HMGCLL1: variants seen among roughly 807,000 people sequenced by gnomAD.
The protein encoded by HMGCLL1 is 3-hydroxymethyl-3-methylglutaryl-CoA lyase, cytoplasmic.
HMGCLL1 carries 36 observed loss-of-function variants against 39.1 expected under a neutral mutation model. The ratio of observed to expected loss-of-function variants is 0.92; its 90% confidence interval spans 0.71 to 1.22. The LOEUF is 1.22. HMGCLL1 is among the 50% of genes most tolerant of loss of function. The probability of loss-of-function intolerance (pLI) is 0.00; values close to 1 mark genes in which losing one functional copy is unlikely to be tolerated. For synonymous variants in HMGCLL1, 149 were observed against 144.0 expected (o/e 1.03, Z -0.25); for missense variants, 451 against 416.5 (o/e 1.08, Z -0.72).
chr6:55,498,951 C>A (rs143986673), intron 6 of HMGCLL1, among the ~76,000 whole-genome samples: 10 of 149,110 alleles, frequency 6.7e-5, no homozygotes, highest in Non-Finnish European at 1.2e-4. Context: ...CCACTCACTA[C>A]GTTATAGCCA....
At chr6:55,496,734 T>C (rs1350503944) in intron 6 of HMGCLL1, among the ~76,000 whole-genome samples, 5 of 151,918 alleles carry the variant, frequency 3.3e-5, no homozygotes, top group Non-Finnish European at 7.4e-5. Context: ...GAAAGCTGAA[T>C]TGCTCAATAC....
the HMGCLL1 span, among the ~76,000 whole-genome samples, chr6:55,631,925 G>A: frequency 6.6e-6 from 1 of 152,096 alleles, no homozygotes; most frequent in Non-Finnish European, 1.5e-5. Flanking sequence ...GCACTTTAAG[G>A]AAGGGTATTC....
intron 3 of HMGCLL1, among the ~76,000 whole-genome samples, chr6:55,536,394 T>C (rs528275783): frequency 6.3e-4 from 96 of 152,326 alleles, no homozygotes; most frequent in Non-Finnish European, 7.2e-4. Context: ...AAATAAGTGA[T>C]ATTCATTTTA....
At chr6:55,521,901 G>A (rs9475338) in intron 3 of HMGCLL1, among the ~76,000 whole-genome samples, 87,263 of 151,930 alleles carry the variant, frequency 0.57, 25,397 homozygotes, top group Admixed American at 0.64. Flanking sequence ...TGATAAACCA[G>A]GCCTCTTATG....
intron 1 of HMGCLL1, among the ~76,000 whole-genome samples, chr6:55,551,807 G>A (rs1770341417): frequency 6.6e-6 from 1 of 152,022 alleles, no homozygotes; most frequent in Non-Finnish European, 1.5e-5. Context: ...TTATTTAAAT[G>A]GTATGCAGCC....
the HMGCLL1 span, among the ~76,000 whole-genome samples, chr6:55,640,973 T>C: frequency 3.3e-5 from 5 of 151,916 alleles, no homozygotes; most frequent in African/African-American, 1.2e-4. Flanking sequence ...TAAATTCACA[T>C]TGATGAAAGA....
the HMGCLL1 span, among the ~76,000 whole-genome samples, chr6:55,627,210 T>G: frequency 6.6e-6 from 1 of 152,112 alleles, no homozygotes; most frequent in African/African-American, 2.4e-5. Context: ...TATTTCCTCC[T>G]TCTTTTGTTG....
intron 7 of HMGCLL1, among the ~76,000 whole-genome samples, chr6:55,480,251 A>G (rs1765666826): frequency 1.3e-5 from 2 of 151,658 alleles, no homozygotes; most frequent in Admixed American, 6.6e-5. Context: ...TAACCCGAAT[A>G]TACAAGGAGC....
chr6:55,598,070 T>C, the HMGCLL1 span, among the ~76,000 whole-genome samples: 4 of 152,166 alleles, frequency 2.6e-5, no homozygotes, highest in Admixed American at 1.3e-4. Flanking sequence ...CATGATCAAC[T>C]AATCATAGCT....
At chr6:55,579,625 C>T (rs1346073153), upstream of HMGCLL1, among the ~76,000 whole-genome samples, 1 of 152,096 alleles carries the variant, frequency 6.6e-6, no homozygotes, top group Admixed American at 6.6e-5. Flanking sequence ...ACATATCCAA[C>T]AGTCTAATGA....
At chr6:55,500,538 T>C (rs1766824470) in intron 5 of HMGCLL1, among the ~76,000 whole-genome samples, 2 of 151,988 alleles carry the variant, frequency 1.3e-5, no homozygotes, top group Admixed American at 1.3e-4. Flanking sequence ...TATAGAAGTG[T>C]TAAAATGTCA....
At chr6:55,583,657 C>T (rs147692400), upstream of HMGCLL1, among the ~76,000 whole-genome samples, 4 of 152,140 alleles carry the variant, frequency 2.6e-5, no homozygotes, top group Non-Finnish European at 2.9e-5. Context: ...AATAAACATA[C>T]GTGTTCATGT....
intron 6 of HMGCLL1, 93 bp downstream of exon 6, chr6:55,499,143 C>T: frequency 1.0e-6 from 1 of 958,988 alleles, no homozygotes; most frequent in Non-Finnish European, 1.6e-6. Context: ...TGGCTTCATG[C>T]TATGCAGATT....
the HMGCLL1 span, among the ~76,000 whole-genome samples, chr6:55,660,112 C>G: frequency 6.6e-6 from 1 of 151,776 alleles, no homozygotes; most frequent in Non-Finnish European, 1.5e-5. Context: ...GCTGAACTAT[C>G]TAATTTATGC....
intron 7 of HMGCLL1, among the ~76,000 whole-genome samples, chr6:55,458,950 C>A (rs1293165477): frequency 6.6e-6 from 1 of 151,990 alleles, no homozygotes; most frequent in Non-Finnish European, 1.5e-5. Context: ...TACTTTCTTG[C>A]CCCATAAAGT....
chr6:55,552,130 C>A (rs1379963067), intron 1 of HMGCLL1, among the ~76,000 whole-genome samples: 1 of 151,862 alleles, frequency 6.6e-6, no homozygotes, highest in Non-Finnish European at 1.5e-5. Flanking sequence ...CAAAAACAAA[C>A]AAACACACAC....
At chr6:55,521,872 T>C (rs9475337) in intron 3 of HMGCLL1, among the ~76,000 whole-genome samples, 103,403 of 151,970 alleles carry the variant, frequency 0.68, 35,246 homozygotes, top group Admixed American at 0.72. Flanking sequence ...GAGAAAGGAA[T>C]GTTGAAAGCC....
At chr6:55,554,965 T>C (rs1443518485) in intron 1 of HMGCLL1, among the ~76,000 whole-genome samples, 3 of 152,230 alleles carry the variant, frequency 2.0e-5, no homozygotes, top group Non-Finnish European at 4.4e-5. Context: ...GCAATCTCTC[T>C]ACTTCCACTC....
the HMGCLL1 span, among the ~76,000 whole-genome samples, chr6:55,636,155 C>T: frequency 2.0e-5 from 3 of 152,000 alleles, no homozygotes; most frequent in Non-Finnish European, 4.4e-5. Flanking sequence ...CAGTCCTACA[C>T]ACATATTAAT....
Sources: allele counts gnomAD v4.1 joint callset (sites outside exome capture counted in the v4.1 genomes callset), GRCh38; gene constraint gnomAD v4.1.1; transcripts MANE v1.5; gene names NCBI Gene and HGNC (gene_info 2026-07-23, HGNC 2026-07-21).